The following STPG1 variants were observed in gnomAD, a reference collection of about 807,000 sequenced individuals.
The protein encoded by STPG1 is O(6)-methylguanine-induced apoptosis 2.
In STPG1, 33 loss-of-function variants were observed where a neutral mutation model predicts 40.1. The ratio of observed to expected loss-of-function variants is 0.82; its 90% confidence interval spans 0.62 to 1.10. The LOEUF (loss-of-function observed/expected upper bound fraction) is 1.10, where lower values mean the gene tolerates loss of function less well. STPG1 is among the 50% of genes least tolerant of loss of function. The pLI is 0.00. For synonymous variants in STPG1, 150 were observed against 155.0 expected, an observed-to-expected ratio of 0.97 and a Z score of 0.24; for missense variants, 396 against 415.1, an observed-to-expected ratio of 0.95 and a Z score of 0.40.
Position 24,391,669 on chromosome 1 carries a change from A to G in STPG1, c.81T>C (p.Ala27=). 6.5e-7 allele frequency: 1 copy of G among 1,545,298 alleles called. No individual in the cohort carries two copies. The highest frequency in any genetic ancestry group is 8.7e-7 in the Non-Finnish European group (1 of 1,143,314). ...GAATGGAGGATTGTGTTGGATATGC[A>G]GCAGTAAAACCTAAACAACAAAAAT... ...RASEVQKGFT[A]AYPTQSSIPF... The change falls in exon 3 of 9, where the codon GCT becomes GCC. Residue 27 remains alanine, a synonymous_variant. Coordinates refer to ENST00000337248, the MANE Select transcript of STPG1 (RefSeq NM_001199013.2).
intron 4 of STPG1, 77 bp downstream of exon 4, chr1:24,383,825 G>T: frequency 1.1e-6 from 1 of 940,570 alleles, no homozygotes; most frequent in Non-Finnish European, 1.7e-6. Context: ...AGGACCAGAT[G>T]TCCAATATAT....
intron 7 of STPG1, among the ~76,000 whole-genome samples, chr1:24,361,311 T>C (rs1311308778): frequency 6.6e-6 from 1 of 152,146 alleles, no homozygotes. Context: ...GTACTCAGGA[T>C]AGGCCTGGCA....
chr1:24,391,440 T>A, intron 3 of STPG1, 121 bp downstream of exon 3: 1 of 593,394 alleles, frequency 1.7e-6, no homozygotes. Flanking sequence ...GTGCCGCGGC[T>A]CCTGGGAGCA....
At chr1:24,381,088 C>T (rs1308255439) in intron 4 of STPG1, among the ~76,000 whole-genome samples, 1 of 152,120 alleles carries the variant, frequency 6.6e-6, no homozygotes, top group Non-Finnish European at 1.5e-5. Context: ...GGAAGCTGAA[C>T]TTCCCCAGCT....
intron 7 of STPG1, chr1:24,368,556 C>T (rs1396636230): frequency 6.6e-6 from 1 of 152,284 alleles, no homozygotes. Flanking sequence ...AATAAATAAG[C>T]TCTGTGAGTA....
chr1:24,373,864 C>G (rs998036934), intron 5 of STPG1, 54 bp from the exon 6 acceptor site: 1 of 1,292,036 alleles, frequency 7.7e-7, no homozygotes, highest in African/African-American at 1.5e-5. Context: ...TCTTTGTCTT[C>G]GTCATCATGC....
chr1:24,377,388 T>G (rs1446872666), intron 5 of STPG1, among the ~76,000 whole-genome samples: 1 of 152,134 alleles, frequency 6.6e-6, no homozygotes, highest in Non-Finnish European at 1.5e-5. Flanking sequence ...GTCTGTCTGG[T>G]GCCCCCTTCT....
At chr1:24,405,004 C>T (rs750882029) in intron 1 of STPG1, among the ~76,000 whole-genome samples, 4 of 152,178 alleles carry the variant, frequency 2.6e-5, no homozygotes, top group Non-Finnish European at 4.4e-5. Flanking sequence ...AATTTAGACC[C>T]TGGAGTGCAG....
chr1:24,405,706 A>G (rs990867135), intron 1 of STPG1, among the ~76,000 whole-genome samples: 10 of 152,192 alleles, frequency 6.6e-5, no homozygotes, highest in African/African-American at 1.7e-4. Flanking sequence ...CACTATTACC[A>G]GGTGCATGAA....
chr1:24,360,845 T>C lies in STPG1; in HGVS notation c.928+6A>G, dbSNP rs1409809428. 1.2e-6 allele frequency: 2 copies of C among 1,605,476 alleles called. No individual in the cohort carries two copies. Among genetic ancestry groups the C allele is most frequent in the Non-Finnish European group, 1.7e-6 (2 of 1,176,536 alleles). On this transcript the variant is annotated splice_donor_region_variant and intron_variant, in intron 8 of 8. Coordinates refer to ENST00000337248, the MANE Select transcript of STPG1 (RefSeq NM_001199013.2). ...TTTTTACAATCATTTAAAACAATCCTCTGACCTGGGCCAGGCAGGCCTGGC... is the reference window on the plus strand; with the variant it reads ...TTTTTACAATCATTTAAAACAATCCCCTGACCTGGGCCAGGCAGGCCTGGC...
chr1:24,413,424 C>T (rs1029975551), intron 1 of STPG1, among the ~76,000 whole-genome samples: 11 of 152,234 alleles, frequency 7.2e-5, no homozygotes, highest in African/African-American at 2.7e-4. Context: ...GGCAGGAGCT[C>T]GGTGGAGCAG....
chr1:24,376,047 G>T (rs895211888), intron 5 of STPG1, among the ~76,000 whole-genome samples: 4 of 152,132 alleles, frequency 2.6e-5, no homozygotes, highest in Non-Finnish European at 5.9e-5. Flanking sequence ...TTGAGATGGG[G>T]TCTCACTCTG....
chr1:24,411,360 A>C (rs536917878), intron 1 of STPG1, among the ~76,000 whole-genome samples: 11 of 152,324 alleles, frequency 7.2e-5, no homozygotes, highest in African/African-American at 2.6e-4. Flanking sequence ...CTTAACCTCT[A>C]TAATAACCTC....
At chr1:24,401,118 C>T (rs1643206684) in intron 2 of STPG1, 1 of 456,194 alleles carries the variant, frequency 2.2e-6, no homozygotes, top group Admixed American at 3.7e-5. Flanking sequence ...AGACTTCCTC[C>T]TTCTTCTCTC....
At chr1:24,393,171 C>CTG (rs143794294) in intron 2 of STPG1, among the ~76,000 whole-genome samples, 232 of 152,310 alleles carry the variant, frequency 1.5e-3, no homozygotes, top group African/African-American at 5.2e-3. Flanking sequence ...GAGCTCTGAG[C>CTG]TGTGCTTCCT....
chr1:24,395,136 C>T (rs566717246), intron 2 of STPG1, among the ~76,000 whole-genome samples: 1 of 151,854 alleles, frequency 6.6e-6, no homozygotes, highest in Non-Finnish European at 1.5e-5. Flanking sequence ...CAGATTGATA[C>T]TGAAAACAAC....
chr1:24,409,500 A>G (rs531961101), intron 1 of STPG1, among the ~76,000 whole-genome samples: 3 of 152,340 alleles, frequency 2.0e-5, no homozygotes, highest in African/African-American at 7.2e-5. Flanking sequence ...GTGATTAGAA[A>G]AATATTAAGC....
chr1:24,412,923 G>T (rs564232784), intron 1 of STPG1, among the ~76,000 whole-genome samples: 1 of 152,086 alleles, frequency 6.6e-6, no homozygotes, highest in Non-Finnish European at 1.5e-5. Context: ...TTTAAAAAAC[G>T]TTATATATGC....
Position 24,367,263 on chromosome 1 carries a change from C to G in STPG1, c.737+2411G>C, listed in dbSNP as rs183580681. On this transcript the variant is annotated intron_variant, in intron 7 of 8. Coordinates refer to ENST00000337248, the MANE Select transcript of STPG1 (RefSeq NM_001199013.2). ...TATAGAGTCTGCTGACTGACAAATG[C>G]AAACGCCATAAAATAAGAACGATCT... Among the ~76,000 whole-genome samples the G allele has an allele frequency of 3.3e-4, 51 of 152,314 alleles. No individual in the cohort carries two copies. The East Asian group carries it at 6.6e-3, about 20-fold the overall frequency.
Sources: gnomAD v4.1 joint callset for allele counts (sites outside exome capture counted in the v4.1 genomes callset) on GRCh38, gnomAD v4.1.1 for gene constraint, MANE v1.5 for transcripts, NCBI Gene and HGNC (gene_info 2026-07-23, HGNC 2026-07-21) for gene names.